Variants in GNG4 observed in about 807,000 individuals in gnomAD.
The protein encoded by GNG4 is guanine nucleotide-binding protein G(I)/G(S)/G(O) subunit gamma-4.
GNG4 carries 4 observed loss-of-function variants against 5.8 expected under a neutral mutation model. The ratio of observed to expected loss-of-function variants is 0.69; its 90% confidence interval spans 0.34 to 1.57. The LOEUF (loss-of-function observed/expected upper bound fraction) is 1.57, where lower values mean the gene tolerates loss of function less well. Among genes scored for constraint, GNG4 ranks in the 40% most tolerant of loss-of-function variants. GNG4 has a pLI of 0.06. For synonymous variants in GNG4, 29 were observed against 32.9 expected, an observed-to-expected ratio of 0.88 and a Z score of 0.41; for missense variants, 96 against 95.1, an observed-to-expected ratio of 1.01 and a Z score of -0.04.
intron 1 of GNG4, among the ~76,000 whole-genome samples, chr1:235,596,119 A>G (rs1688115748): frequency 6.6e-6 from 1 of 152,082 alleles, no homozygotes; most frequent in Non-Finnish European, 1.5e-5. Flanking sequence ...GCTTGCGGTG[A>G]GCCAAGATCG....
chr1:235,617,068 TCCTTTAC>T (rs1434417279), intron 1 of GNG4, among the ~76,000 whole-genome samples: 2 of 152,034 alleles, frequency 1.3e-5, no homozygotes, highest in Non-Finnish European at 2.9e-5. Flanking sequence ...AGATTTTGAA[TCCTTTAC>T]CTGACAATGC....
At chr1:235,637,607 T>A (rs1374524307) in intron 1 of GNG4, among the ~76,000 whole-genome samples, 1 of 147,852 alleles carries the variant, frequency 6.8e-6, no homozygotes, top group Non-Finnish European at 1.5e-5. Context: ...TGAGCCGAGA[T>A]TGCACCACTG....
At chr1:235,562,647 G>GAA (rs1286012762) in intron 3 of GNG4, among the ~76,000 whole-genome samples, 2 of 21,682 alleles carry the variant, frequency 9.2e-5, no homozygotes, top group African/African-American at 2.9e-4. Flanking sequence ...TCTGTCTCAA[G>GAA]AAAAAAAAAA....
chr1:235,614,616 G>A (rs1000497859), intron 1 of GNG4: 6 of 152,332 alleles, frequency 3.9e-5, no homozygotes, highest in South Asian at 2.1e-4. Flanking sequence ...CAACCCTGGG[G>A]CCCTGCAGCT....
intron 3 of GNG4, among the ~76,000 whole-genome samples, chr1:235,562,597 AT>A (rs1687092804): frequency 1.4e-5 from 2 of 147,326 alleles, no homozygotes; most frequent in African/African-American, 2.5e-5. Flanking sequence ...GAGAGCCAAG[AT>A]GGCACCACTG....
chr1:235,579,419 A>AAAC (rs1553366443), intron 3 of GNG4, among the ~76,000 whole-genome samples: 18 of 149,642 alleles, frequency 1.2e-4, no homozygotes, highest in East Asian at 9.8e-4. Context: ...TAAAAAAAAA[A>AAAC]AAGTAAATAC....
intron 1 of GNG4, among the ~76,000 whole-genome samples, chr1:235,607,534 T>C (rs1435511905): frequency 1.3e-5 from 2 of 152,264 alleles, no homozygotes; most frequent in African/African-American, 4.8e-5. Context: ...CAAGTGGTTC[T>C]GTGAATTATC....
intron 3 of GNG4, among the ~76,000 whole-genome samples, chr1:235,575,305 G>A (rs1687450507): frequency 6.6e-6 from 1 of 152,190 alleles, no homozygotes; most frequent in African/African-American, 2.4e-5. Flanking sequence ...CCCATCGTAA[G>A]TTGAAAATGT....
intron 3 of GNG4, among the ~76,000 whole-genome samples, chr1:235,572,207 A>T (rs1347762530): frequency 6.6e-6 from 1 of 152,100 alleles, no homozygotes; most frequent in Non-Finnish European, 1.5e-5. Flanking sequence ...AGGTAAAAAT[A>T]CAGTACTAGA....
intron 1 of GNG4, among the ~76,000 whole-genome samples, chr1:235,626,958 CAAAAAAAAAAAAAAAAAAAAA>C (rs776506587): frequency 2.7e-4 from 21 of 77,390 alleles, no homozygotes; most frequent in East Asian, 7.8e-4. Flanking sequence ...GACTCTATCT[CAAAAAAAAAAAAAAAAAAAAA>C]AAAAAAAAAA....
rs1204037098 is a variant in GNG4, at chr1:235,571,753, C to T, written c.99+11987G>A. On this transcript the variant is annotated intron_variant, in intron 3 of 3. Transcript: ENST00000391854. ...ACTTCTACAAACCTAGATGGTCTAT[C>T]CTATTACACAATAGGGTATAGCCTA... is the stretch of plus-strand genomic sequence containing the variant. 2.0e-5 allele frequency among the ~76,000 whole-genome samples: 3 copies of T among 152,246 alleles called. No individual in the cohort carries two copies. The East Asian group carries it at 5.8e-4, about 29-fold the overall frequency.
chr1:235,579,880 A>G (rs1687584573), intron 3 of GNG4, among the ~76,000 whole-genome samples: 1 of 135,442 alleles, frequency 7.4e-6, no homozygotes, highest in Admixed American at 8.0e-5. Flanking sequence ...AAGGTTGAAC[A>G]TAGAGTTACC....
At chr1:235,584,792 A>G (rs923174864) in intron 2 of GNG4, among the ~76,000 whole-genome samples, 1 of 152,264 alleles carries the variant, frequency 6.6e-6, no homozygotes, top group Non-Finnish European at 1.5e-5. Flanking sequence ...CACAAGTGAC[A>G]CTGGCTCCCA....
rs142662110 is a variant in GNG4 at position 235,631,043 on chromosome 1, C to T, written c.-123+18619G>A. On this transcript the variant is annotated intron_variant, in intron 1 of 3. Transcript: ENST00000391854. ...CCTCCTAAGTAGCTGGAATTACAGG[C>T]ACGCACCACCATACCCAGCTAATTT... is the stretch of plus-strand genomic sequence containing the variant. Among the ~76,000 whole-genome samples, 966 of 152,070 alleles carry T rather than the reference C, an allele frequency of 6.4e-3. 8 individuals are homozygous for T. Among genetic ancestry groups the T allele is most frequent in the African/African-American group, 0.02 (842 of 41,476 alleles).
At chr1:235,606,275 G>A (rs1325158578) in intron 1 of GNG4, among the ~76,000 whole-genome samples, 1 of 152,062 alleles carries the variant, frequency 6.6e-6, no homozygotes, top group Non-Finnish European at 1.5e-5. Flanking sequence ...CCAGCTACTC[G>A]GGAGGCTGAG....
At chr1:235,631,671 G>A (rs1378118441) in intron 1 of GNG4, among the ~76,000 whole-genome samples, 4 of 151,430 alleles carry the variant, frequency 2.6e-5, no homozygotes, top group Middle Eastern at 3.4e-3. Flanking sequence ...GGGTTCAAGC[G>A]ATTCTCCTGC....
chr1:235,602,162 C>T (rs1290935647), intron 1 of GNG4, among the ~76,000 whole-genome samples: 1 of 152,310 alleles, frequency 6.6e-6, no homozygotes, highest in East Asian at 1.9e-4. Flanking sequence ...ATTCCAGCTA[C>T]TGAAGAGGCT....
intron 1 of GNG4, among the ~76,000 whole-genome samples, chr1:235,634,941 C>T (rs12405217): frequency 7.4e-6 from 1 of 134,994 alleles, no homozygotes; most frequent in East Asian, 2.1e-4. Flanking sequence ...TCTCAAAAAA[C>T]AAAAAACAAA....
intron 2 of GNG4, among the ~76,000 whole-genome samples, chr1:235,593,195 C>G (rs775842627): frequency 6.6e-6 from 1 of 152,238 alleles, no homozygotes; most frequent in East Asian, 1.9e-4. Flanking sequence ...GTCATCCACC[C>G]GTCTTGGCCT....
Sources: allele counts gnomAD v4.1 joint callset (sites outside exome capture counted in the v4.1 genomes callset), GRCh38; gene constraint gnomAD v4.1.1; transcripts MANE v1.5; gene names NCBI Gene and HGNC (gene_info 2026-07-23, HGNC 2026-07-21).